Variants in PHEX observed in about 807,000 individuals in gnomAD.
PHEX encodes phosphate regulating endopeptidase X-linked, also known as phosphate-regulating neutral endopeptidase PHEX.
Under a neutral mutation model 68.0 loss-of-function variants are expected in PHEX, and 16 were observed. The ratio of observed to expected loss-of-function variants is 0.24; its 90% CI spans 0.16 to 0.36. The LOEUF (loss-of-function observed/expected upper bound fraction) is 0.36. Ranked by LOEUF, PHEX falls within the 10% of genes least tolerant of loss-of-function variation. PHEX has a pLI of 1.00. For synonymous variants in PHEX, 208 were observed against 205.1 expected (o/e 1.01, Z -0.12); for missense variants, 480 against 575.5 (o/e 0.83, Z 1.70).
At chrX:22,062,729 G>C (rs1928428780) in intron 3 of PHEX, among the ~76,000 whole-genome samples, 1 of 110,689 alleles carries the variant, frequency 9.0e-6, no homozygotes, top group Admixed American at 9.7e-5. Flanking sequence ...AATTGATCTG[G>C]GGTGCTGCTT....
intron 5 of PHEX, among the ~76,000 whole-genome samples, chrX:22,081,016 A>T (rs191051184): frequency 7.2e-5 from 8 of 111,723 alleles, no homozygotes; most frequent in African/African-American, 2.3e-4. Context: ...CCATTTGGAG[A>T]ATGTTTTTCT....
At chrX:22,154,577 C>T (rs1274978913) in intron 12 of PHEX, among the ~76,000 whole-genome samples, 1 of 111,497 alleles carries the variant, frequency 9.0e-6, no homozygotes, top group Non-Finnish European at 1.9e-5. Context: ...GCTAAATATC[C>T]TACAATCCAC....
intron 14 of PHEX, among the ~76,000 whole-genome samples, chrX:22,179,128 C>G (rs1269149209): frequency 9.0e-6 from 1 of 111,293 alleles, no homozygotes; most frequent in African/African-American, 3.3e-5. Context: ...CTGAGAAATT[C>G]TTCAGCTTAG....
chrX:22,063,614 C>T (rs1055340723), intron 3 of PHEX, among the ~76,000 whole-genome samples: 1 of 112,060 alleles, frequency 8.9e-6, no homozygotes, highest in African/African-American at 3.2e-5. Flanking sequence ...ACAAAGCTGC[C>T]CTCACCAGAA....
At chrX:22,241,625 T>C (rs1311659055) in intron 20 of PHEX, among the ~76,000 whole-genome samples, 1 of 111,896 alleles carries the variant, frequency 8.9e-6, no homozygotes, top group East Asian at 2.8e-4. Context: ...CAGTCTACCA[T>C]CAGAGAATAC....
chrX:22,104,449 A>AG (rs1247398624), intron 9 of PHEX, among the ~76,000 whole-genome samples: 4 of 110,258 alleles, frequency 3.6e-5, no homozygotes, highest in Admixed American at 9.6e-5. Context: ...TGAGGTGGAA[A>AG]GGGGGGTGGG....
intron 11 of PHEX, among the ~76,000 whole-genome samples, chrX:22,128,514 C>A (rs1183962678): frequency 9.0e-6 from 1 of 110,982 alleles, no homozygotes; most frequent in Non-Finnish European, 1.9e-5. Flanking sequence ...TAGCCACATA[C>A]TCCATAAAAA....
chrX:22,135,696 T>G (rs1274407946), intron 12 of PHEX, among the ~76,000 whole-genome samples: 1 of 111,835 alleles, frequency 8.9e-6, no homozygotes, highest in Admixed American at 9.5e-5. Flanking sequence ...GAAGCAGGAC[T>G]ATTCTCAGTT....
chrX:22,066,514 C>A (rs1376763795), intron 3 of PHEX, among the ~76,000 whole-genome samples: 1 of 112,438 alleles, frequency 8.9e-6, no homozygotes, highest in East Asian at 2.8e-4. Context: ...GAAGTCATGG[C>A]AGCTACTGGT....
chrX:22,062,567 G>A (rs1928418770), intron 3 of PHEX, among the ~76,000 whole-genome samples: 2 of 110,976 alleles, frequency 1.8e-5, no homozygotes, highest in African/African-American at 6.6e-5. Flanking sequence ...TTCTCCATTT[G>A]GACCAGCCAC....
At chrX:22,207,204 G>T (rs1934739772) in intron 15 of PHEX, among the ~76,000 whole-genome samples, 1 of 108,725 alleles carries the variant, frequency 9.2e-6, no homozygotes, top group African/African-American at 3.5e-5. Flanking sequence ...CCCAGGTGCA[G>T]ATTTGAAAAA....
intron 20 of PHEX, among the ~76,000 whole-genome samples, chrX:22,236,476 T>TA (rs1304920269): frequency 1.8e-5 from 2 of 112,980 alleles, no homozygotes; most frequent in Non-Finnish European, 3.7e-5. Flanking sequence ...TGACTAAAAC[T>TA]AACAGTTCAA....
intron 20 of PHEX, among the ~76,000 whole-genome samples, chrX:22,230,781 C>CCTGA (rs761467788): frequency 9.0e-6 from 1 of 111,656 alleles, no homozygotes; most frequent in South Asian, 3.8e-4. Context: ...CTTTCTCTTG[C>CCTGA]CTGACTGCCC....
rs771490885 is a variant in PHEX, at chrX:22,037,719, G to A, written c.119-750G>A. Among the ~76,000 whole-genome samples the A allele has an allele frequency of 2.6e-4, 29 of 110,888 alleles. No homozygotes were observed. In the East Asian group the frequency reaches 8.0e-3, roughly 30 times the overall value. ...GTCTGGTAGCTAAGCTGGGCCTGGT[G>A]GGCGGAGAGTTTGTGGGGTTCAGGG... is the stretch of plus-strand genomic sequence containing the variant. On this transcript the variant is annotated intron_variant, in intron 1 of 21. Coordinates refer to ENST00000379374, the MANE Select transcript of PHEX (RefSeq NM_000444.6).
At chrX:22,076,537 G>A in intron 4 of PHEX, 63 bp downstream of exon 4, 1 of 712,782 alleles carries the variant, frequency 1.4e-6, no homozygotes, top group Non-Finnish European at 2.2e-6. Flanking sequence ...TTCTATTAAT[G>A]TTTTAATATA....
chrX:22,189,146 A>G (rs1173540750), intron 14 of PHEX, among the ~76,000 whole-genome samples: 1 of 112,819 alleles, frequency 8.9e-6, no homozygotes, highest in East Asian at 2.8e-4. Flanking sequence ...TCCATTGTGT[A>G]TATGTACCAC....
intron 12 of PHEX, among the ~76,000 whole-genome samples, chrX:22,167,691 C>T (rs760812858): frequency 8.3e-5 from 9 of 108,640 alleles, no homozygotes; most frequent in South Asian, 8.1e-4. Flanking sequence ...GACAGGGTCC[C>T]GCTGTGTTGC....
At chrX:22,157,946 G>A (rs941679537) in intron 12 of PHEX, among the ~76,000 whole-genome samples, 2 of 111,362 alleles carry the variant, frequency 1.8e-5, no homozygotes, top group African/African-American at 6.5e-5. Context: ...CTTGTGGACC[G>A]CACCCAAAAG....
rs971796907 is a variant in PHEX at position 22,097,816 on chromosome X, G to A, written c.933+778G>A. On this transcript the variant is annotated intron_variant, in intron 8 of 21. Transcript: ENST00000379374. Reference sequence around the variant, plus strand: ...ACAGTCTTGCTGTGTCATCCAGGCTGGGGTGCAGTGGTGTGATCTTGGCTC... The same window carrying A: ...ACAGTCTTGCTGTGTCATCCAGGCTAGGGTGCAGTGGTGTGATCTTGGCTC... 175 of 397,487 alleles carry A rather than the reference G, an allele frequency of 4.4e-4. 1 individual carries two copies. The highest frequency in any genetic ancestry group is 1.0e-4 in the Non-Finnish European group (33 of 315,507). The allele number at this position is 397,487 out of a possible 1,213,427, so 32.8% of individuals were successfully genotyped here.
Sources: allele counts gnomAD v4.1 joint callset (sites outside exome capture counted in the v4.1 genomes callset), GRCh38; gene constraint gnomAD v4.1.1; transcripts MANE v1.5; gene names NCBI Gene and HGNC (gene_info 2026-07-23, HGNC 2026-07-21).